ASPRV1: variants seen among roughly 807,000 people sequenced by gnomAD.
ASPRV1 encodes retroviral-like aspartic protease 1.
In ASPRV1, 7 loss-of-function variants were observed where a neutral mutation model predicts 11.0. The observed-to-expected ratio is 0.64, with a 90% CI of 0.36 to 1.20. The LOEUF (loss-of-function observed/expected upper bound fraction) is 1.20. Among genes scored for constraint, ASPRV1 ranks in the 50% most tolerant of loss-of-function variants. ASPRV1 has a pLI of 0.02. For synonymous variants in ASPRV1, 136 were observed against 138.4 expected (o/e 0.98, Z 0.12); for missense variants, 299 against 320.0 (o/e 0.93, Z 0.50).
chr2:70,043,855 T>C, the ASPRV1 span, among the ~76,000 whole-genome samples: 1 of 152,150 alleles, frequency 6.6e-6, no homozygotes, highest in African/African-American at 2.4e-5. Context: ...TGTGCCTCCA[T>C]CCGAACATGC....
chr2:69,969,621 C>T, the ASPRV1 span, among the ~76,000 whole-genome samples: 2 of 152,088 alleles, frequency 1.3e-5, no homozygotes, highest in African/African-American at 4.8e-5. Flanking sequence ...CCAGGGACAC[C>T]CCTCTCTGCA....
the ASPRV1 span, among the ~76,000 whole-genome samples, chr2:69,977,951 T>C: frequency 6.6e-6 from 1 of 152,106 alleles, no homozygotes; most frequent in Non-Finnish European, 1.5e-5. Context: ...CAGAAGTGGG[T>C]CCATGCCCTT....
rs1478522234 is a variant in ASPRV1, at chr2:69,960,739, C to T, written c.698G>A (p.Gly233Glu). The change falls in exon 1 of 1, where the codon GGG (glycine) becomes GAG (glutamate). Residue 233 changes from glycine to glutamate, a missense_variant. Coordinates refer to ENST00000320256, the MANE Select transcript of ASPRV1 (RefSeq NM_152792.4). The stretch of plus-strand genomic sequence containing the variant: ...CAGGTCAAACTCATCTTCCAGGGAC[C>T]CTCCCACAGGCAGAAGGCGAAACTT... Reference protein sequence around the residue: ...GKKFRLLPVGGSLEDEFDLEL... With the variant: ...GKKFRLLPVGESLEDEFDLEL... 26 of 1,613,986 alleles carry T rather than the reference C, an allele frequency of 1.6e-5. No homozygotes were observed. Among genetic ancestry groups the T allele is most frequent in the Non-Finnish European group, 2.0e-5 (24 of 1,180,020 alleles).
the ASPRV1 span, among the ~76,000 whole-genome samples, chr2:69,995,878 C>G: frequency 4.6e-5 from 7 of 152,180 alleles, no homozygotes; most frequent in East Asian, 1.9e-4. Context: ...TGGAAACAGC[C>G]AAGTAATCTT....
At chr2:70,084,854 T>C in the ASPRV1 span, among the ~76,000 whole-genome samples, 1 of 152,340 alleles carries the variant, frequency 6.6e-6, no homozygotes, top group East Asian at 1.9e-4. Context: ...ACTGTCATCG[T>C]TGCTGTTATG....
At chr2:70,052,043 A>G in the ASPRV1 span, among the ~76,000 whole-genome samples, 17 of 152,126 alleles carry the variant, frequency 1.1e-4, no homozygotes, top group Admixed American at 6.6e-4. Flanking sequence ...TAGCATAATA[A>G]AACAATCTTT....
At chr2:69,936,402 T>G in the ASPRV1 span, among the ~76,000 whole-genome samples, 1 of 152,038 alleles carries the variant, frequency 6.6e-6, no homozygotes, top group Non-Finnish European at 1.5e-5. Context: ...GGGCACAGAG[T>G]TGACACTCTC....
At chr2:70,086,781 G>A in the ASPRV1 span, among the ~76,000 whole-genome samples, 12 of 152,366 alleles carry the variant, frequency 7.9e-5, no homozygotes, top group South Asian at 1.0e-3. Context: ...TTATGTAAAT[G>A]GACGCCATTC....
chr2:69,959,247 G>A (rs900019600), downstream of ASPRV1, among the ~76,000 whole-genome samples: 2 of 152,074 alleles, frequency 1.3e-5, no homozygotes, highest in South Asian at 2.1e-4. Flanking sequence ...CTGCACGTTC[G>A]AGTCTCTGAC....
At chr2:70,056,089 A>C in the ASPRV1 span, 1 of 152,170 alleles carries the variant, frequency 6.6e-6, no homozygotes, top group Non-Finnish European at 1.5e-5. Flanking sequence ...TAAGCCCATC[A>C]CACACACAAA....
the ASPRV1 span, among the ~76,000 whole-genome samples, chr2:69,979,029 GTTTT>G: frequency 5.9e-5 from 9 of 152,114 alleles, no homozygotes; most frequent in Admixed American, 1.3e-4. Flanking sequence ...CAGGGGACGT[GTTTT>G]TTGTTTGTTT....
At chr2:69,969,821 C>T in the ASPRV1 span, among the ~76,000 whole-genome samples, 1 of 152,136 alleles carries the variant, frequency 6.6e-6, no homozygotes, top group Non-Finnish European at 1.5e-5. Context: ...CTGAAGCAAT[C>T]CTCCCACCTC....
chr2:70,081,865 G>A, the ASPRV1 span, among the ~76,000 whole-genome samples: 3 of 151,976 alleles, frequency 2.0e-5, no homozygotes, highest in African/African-American at 4.8e-5. Flanking sequence ...GATTACAGGT[G>A]TGAACCACCG....
At chr2:70,014,155 T>C in the ASPRV1 span, among the ~76,000 whole-genome samples, 1 of 151,992 alleles carries the variant, frequency 6.6e-6, no homozygotes, top group African/African-American at 2.4e-5. Context: ...AAAGAAAAAA[T>C]AGATATATTG....
chr2:69,950,844 A>AAAATAAATAAAT, the ASPRV1 span, among the ~76,000 whole-genome samples: 27 of 137,016 alleles, frequency 2.0e-4, no homozygotes, highest in Non-Finnish European at 2.5e-4. Flanking sequence ...CTCTGTCTCA[A>AAAATAAATAAAT]AAATAAATAA....
At chr2:69,970,358 T>C in the ASPRV1 span, among the ~76,000 whole-genome samples, 1 of 152,146 alleles carries the variant, frequency 6.6e-6, no homozygotes, top group Non-Finnish European at 1.5e-5. Context: ...AATTCCTCCA[T>C]GGCTCTTCAT....
chr2:69,988,971 C>A, the ASPRV1 span: 1 of 331,352 alleles, frequency 3.0e-6, no homozygotes. Context: ...AAAAAGGCTG[C>A]CACCACTAAA....
the ASPRV1 span, among the ~76,000 whole-genome samples, chr2:70,024,103 AG>A: frequency 2.0e-5 from 3 of 150,326 alleles, no homozygotes; most frequent in Non-Finnish European, 4.4e-5. Context: ...AAAAAAAAAA[AG>A]GCTAAAGTAT....
At chr2:70,066,525 G>A in the ASPRV1 span, among the ~76,000 whole-genome samples, 1 of 152,258 alleles carries the variant, frequency 6.6e-6, no homozygotes, top group South Asian at 2.1e-4. Flanking sequence ...TTATAGGCAT[G>A]AGCCACTGCG....
Sources: allele counts gnomAD v4.1 joint callset (sites outside exome capture counted in the v4.1 genomes callset), GRCh38; gene constraint gnomAD v4.1.1; transcripts MANE v1.5; gene names NCBI Gene and HGNC (gene_info 2026-07-23, HGNC 2026-07-21).